The following TMEM240 variants were observed in gnomAD, a reference collection of about 807,000 sequenced individuals.
The protein encoded by TMEM240 is transmembrane protein C1orf70.
Under a neutral mutation model 19.5 loss-of-function variants are expected in TMEM240, and 3 were observed. The ratio of observed to expected loss-of-function variants is 0.15; its 90% CI spans 0.07 to 0.40. The LOEUF (loss-of-function observed/expected upper bound fraction) is 0.40, where lower values mean the gene tolerates loss of function less well. Among genes scored for constraint, TMEM240 ranks in the 10% least tolerant of loss-of-function variants. The probability of loss-of-function intolerance (pLI) is 1.00; values close to 1 mark genes in which losing one functional copy is unlikely to be tolerated. For synonymous variants in TMEM240, 123 were observed against 109.3 expected, an observed-to-expected ratio of 1.13 and a Z score of -0.78; for missense variants, 210 against 253.5, an observed-to-expected ratio of 0.83 and a Z score of 1.17.
chr1:1,536,817 C>G lies in TMEM240; in HGVS notation c.165-1020G>C, dbSNP rs1262081388. Among the ~76,000 whole-genome samples the G allele has an allele frequency of 6.6e-6, 1 of 152,140 alleles. No homozygotes were observed. Among genetic ancestry groups the G allele is most frequent in the East Asian group, 1.9e-4 (1 of 5,180 alleles). The stretch of plus-strand genomic sequence containing the variant: ...ACACTCCTGGCTGCCTCCCACATCT[C>G]CGCCGAGCTCCAGCTGCCTGTGTCT... On this transcript the variant is annotated intron_variant, in intron 2 of 3. Coordinates refer to ENST00000378733, the MANE Select transcript of TMEM240 (RefSeq NM_001114748.2). This position sits in a 1 kb window ranked among gnomAD's most constrained non-coding sequence, Gnocchi z 5.4.
In TMEM240 at chr1:1,536,532, C is replaced by T. The variant is rs375566834; in HGVS notation, c.165-735G>A. 9.8e-5 allele frequency among the ~76,000 whole-genome samples: 15 copies of T among 152,308 alleles called. No individual in the cohort carries two copies. In the South Asian group the frequency reaches 3.1e-3, roughly 32 times the overall value. On this transcript the variant is annotated intron_variant, in intron 2 of 3. Coordinates refer to ENST00000378733, the MANE Select transcript of TMEM240 (RefSeq NM_001114748.2). This position sits in a 1 kb window ranked among gnomAD's most constrained non-coding sequence, Gnocchi z 5.4. Reference sequence around the variant, plus strand: ...CCTTTCGTCCTCAGTGCCTGCGCGCCTCCATGTCCCTCGGCCTCCCCTCCC... The same window carrying T: ...CCTTTCGTCCTCAGTGCCTGCGCGCTTCCATGTCCCTCGGCCTCCCCTCCC...
intron 2 of TMEM240, among the ~76,000 whole-genome samples, chr1:1,537,386 G>A (rs1210398802): frequency 6.6e-6 from 1 of 152,092 alleles, no homozygotes; most frequent in Non-Finnish European, 1.5e-5. Flanking sequence ...TGCCCAGAAT[G>A]TGCAGCTGCC....
rs1642197718 is a variant in TMEM240, at chr1:1,535,402, T to G, written c.479A>C (p.Gln160Pro). Reference sequence around the variant, plus strand: ...GGGGTGGCCATTGTGGTAGAGTTTCTGCTTCACGTGTACCATGTTCCCGGC... The same window carrying G: ...GGGGTGGCCATTGTGGTAGAGTTTCGGCTTCACGTGTACCATGTTCCCGGC... ...EAAGNMVHVKQKLYHNGHPSP... is the reference protein window; with the variant it reads ...EAAGNMVHVKPKLYHNGHPSP... The change falls in exon 4 of 4, where the codon CAG (glutamine) becomes CCG (proline). Residue 160 changes from glutamine (Q) to proline (P), a missense_variant. Gln to Pro is a moderately conservative substitution (Grantham distance 76). Transcript: ENST00000378733. The surrounding 1 kb of genome is among the most constrained non-coding windows in gnomAD (Gnocchi z 8.2). 3.2e-6 allele frequency: 5 copies of G among 1,549,862 alleles called. No individual in the cohort carries two copies. The East Asian group carries it at 1.2e-4, about 38-fold the overall frequency.
At chr1:1,539,598 G>T (rs1642270173) in intron 2 of TMEM240, 86 bp downstream of exon 2, 2 of 1,212,956 alleles carry the variant, frequency 1.6e-6, no homozygotes, top group South Asian at 1.3e-5. Flanking sequence ...CGCGGCCTGC[G>T]TGGGGCTGGT....
At chr1:1,539,844 C>A in intron 1 of TMEM240, 54 bp from the exon 2 acceptor site, 1 of 1,025,732 alleles carries the variant, frequency 9.7e-7, no homozygotes, top group Non-Finnish European at 1.4e-6. Flanking sequence ...CGAAGCGGGG[C>A]TGGGGGTGGG....
Position 1,540,353 on chromosome 1 carries a change from G to T in TMEM240, c.-7C>A. 1 of 1,196,776 alleles carries T rather than the reference G, an allele frequency of 8.4e-7. No homozygotes were observed. The highest frequency in any genetic ancestry group is 1.0e-6 in the Non-Finnish European group (1 of 958,798). 74.1% of individuals were successfully genotyped at this position (1,196,776 alleles called of 1,614,324 possible). ...TGTTCGCGCTCATGGACATCGGGCG[G>T]GGCCGGGCCGGGCCGGAGCGCCGCC... On this transcript the variant is annotated 5_prime_UTR_variant, in exon 1 of 4. Coordinates refer to ENST00000378733, the MANE Select transcript of TMEM240 (RefSeq NM_001114748.2).
At chr1:1,540,145 GGAGGGGA>G in intron 1 of TMEM240, 138 bp downstream of exon 1, 12 of 277,126 alleles carry the variant, frequency 4.3e-5, no homozygotes, top group East Asian at 5.8e-5. Context: ...CGCAGGCCGG[GGAGGGGA>G]GCGCAGGCCG....
In TMEM240 at chr1:1,536,847, G is replaced by A. The variant is rs529017899; in HGVS notation, c.165-1050C>T. Among the ~76,000 whole-genome samples the A allele has an allele frequency of 1.3e-5, 2 of 152,096 alleles. No individual in the cohort carries two copies. The highest frequency in any genetic ancestry group is 2.4e-5 in the African/African-American group (1 of 41,402). ...GAGCTCCAGCTGCCTGTGTCTCCAC[G>A]TGGGATCCGCAGACACCTTAAACTT... On this transcript the variant is annotated intron_variant, in intron 2 of 3. Coordinates refer to ENST00000378733, the MANE Select transcript of TMEM240 (RefSeq NM_001114748.2). This position sits in a 1 kb window ranked among gnomAD's most constrained non-coding sequence, Gnocchi z 5.4.
chr1:1,535,904 GGGTTCTCTGAAGCAGCCTCT>G lies in TMEM240; in HGVS notation c.165-127_165-108del. On this transcript the variant is annotated intron_variant, in intron 2 of 3. Transcript: ENST00000378733. The surrounding 1 kb of genome is among the most constrained non-coding windows in gnomAD (Gnocchi z 8.2). ...GTGTGACCGCGTCAGGCCGCCCTGGGGGTTCTCTGAAGCAGCCTCTTGGGCGGGCGGGTCGGGAAGGGGGC... is the reference window on the plus strand; with the variant it reads ...GTGTGACCGCGTCAGGCCGCCCTGGGTGGGCGGGCGGGTCGGGAAGGGGGC... 1.2e-6 allele frequency: 1 copy of G among 836,686 alleles called. No homozygotes were observed. The highest frequency in any genetic ancestry group is 1.9e-6 in the Non-Finnish European group (1 of 516,934). 51.8% of individuals were successfully genotyped at this position (836,686 alleles called of 1,614,324 possible).
intron 2 of TMEM240, among the ~76,000 whole-genome samples, chr1:1,538,231 G>A (rs1233746084): frequency 6.6e-6 from 1 of 152,224 alleles, no homozygotes; most frequent in Non-Finnish European, 1.5e-5. Context: ...TACATATCCT[G>A]TATGTAGAGA....
rs1642229711 is a variant in TMEM240 at position 1,536,742 on chromosome 1, A to G, written c.165-945T>C. Among the ~76,000 whole-genome samples, 1 of 152,114 alleles carries G rather than the reference A, an allele frequency of 6.6e-6. No individual in the cohort carries two copies. Among genetic ancestry groups the G allele is most frequent in the African/African-American group, 2.4e-5 (1 of 41,440 alleles). On this transcript the variant is annotated intron_variant, in intron 2 of 3. Transcript: ENST00000378733. This position sits in a 1 kb window ranked among gnomAD's most constrained non-coding sequence, Gnocchi z 5.4. ...AGTCAACTCTGGGATCCCTAGTCCA[A>G]CAGGAGGGCCTGGGAGTGGAGCCCG... is the stretch of plus-strand genomic sequence containing the variant.
At chr1:1,539,623 A>T in intron 2 of TMEM240, 61 bp downstream of exon 2, 1 of 1,447,724 alleles carries the variant, frequency 6.9e-7, no homozygotes, top group Non-Finnish European at 9.4e-7. Flanking sequence ...CCGCGCCCCG[A>T]GTGGGCCCCG....
rs1049447793 is a variant in TMEM240, at chr1:1,535,016, C to T, written c.*343G>A. ...CCTTCAAACAGATGCTGGCCCGGGC[C>T]GCGCGCCTCGCCGCCCCTGCCCCCA... On this transcript the variant is annotated 3_prime_UTR_variant, in exon 4 of 4. Transcript: ENST00000378733. The surrounding 1 kb of genome is among the most constrained non-coding windows in gnomAD (Gnocchi z 8.2). 4.0e-5 allele frequency among the ~76,000 whole-genome samples: 6 copies of T among 149,766 alleles called. No individual in the cohort carries two copies. The highest frequency in any genetic ancestry group is 4.0e-4 in the East Asian group (2 of 5,010).
intron 1 of TMEM240, 70 bp downstream of exon 1, chr1:1,540,220 G>T: frequency 1.8e-6 from 2 of 1,112,994 alleles, no homozygotes; most frequent in South Asian, 3.0e-5. Context: ...TAAACAAGGC[G>T]CGGGAGGTGG....
At position 1,538,678 on chromosome 1, in the gene TMEM240, C is replaced by T. The variant is rs950012788; in HGVS notation, c.164+1006G>A. Among the ~76,000 whole-genome samples the T allele has an allele frequency of 4.6e-5, 7 of 152,360 alleles. No homozygotes were observed. The East Asian group carries it at 1.2e-3, about 25-fold the overall frequency. ...GCACACGTGAGGGTCACAGACACCC[C>T]GATCTCTGCCTTCTCTAACACCCGT... On this transcript the variant is annotated intron_variant, in intron 2 of 3. Coordinates refer to ENST00000378733, the MANE Select transcript of TMEM240 (RefSeq NM_001114748.2).
At position 1,540,518 on chromosome 1, in the gene TMEM240, G is replaced by T. The variant is rs1057339857; in HGVS notation, c.-172C>A. 5.4e-5 allele frequency: 9 copies of T among 167,360 alleles called. No homozygotes were observed. The highest frequency in any genetic ancestry group is 7.5e-5 in the African/African-American group (3 of 40,238). 10.4% of individuals were successfully genotyped at this position (167,360 alleles called of 1,614,324 possible). ...CGGGGGGAGGAGGCGCGGGGGGGGGGGCGCCGGGGAGGGACGCGGGGCCTT... is the reference window on the plus strand; with the variant it reads ...CGGGGGGAGGAGGCGCGGGGGGGGGTGCGCCGGGGAGGGACGCGGGGCCTT... On this transcript the variant is annotated 5_prime_UTR_variant, in exon 1 of 4. Coordinates refer to ENST00000378733, the MANE Select transcript of TMEM240 (RefSeq NM_001114748.2).
In TMEM240 at chr1:1,535,193, AAGAAG is replaced by A. The variant is rs1642192895; in HGVS notation, c.*161_*165del. The A allele has an allele frequency of 1.4e-6, 1 of 737,494 alleles. No individual in the cohort carries two copies. Among genetic ancestry groups the A allele is most frequent in the African/African-American group, 1.9e-5 (1 of 52,972 alleles). 45.7% of individuals were successfully genotyped at this position (737,494 alleles called of 1,614,324 possible). On this transcript the variant is annotated 3_prime_UTR_variant, in exon 4 of 4. Transcript: ENST00000378733. The surrounding 1 kb of genome is among the most constrained non-coding windows in gnomAD (Gnocchi z 8.2). ...CCCACACCCCAACCCCCTTTATAAA[AAGAAG>A]AGACAGCACCTTCCACTGGACTCTC...
At position 1,535,466 on chromosome 1, in the gene TMEM240, C is replaced by T; in HGVS notation, c.415G>A (p.Glu139Lys). Residue 139 changes from glutamate (E) to lysine (K), a missense_variant, in exon 4 of 4, where the codon GAG becomes AAG. Physicochemically the swap from Glu to Lys is moderately conservative, Grantham distance 56. Transcript: ENST00000378733. This position sits in a 1 kb window ranked among gnomAD's most constrained non-coding sequence, Gnocchi z 8.2. ...TWLPKLCSLR[E>K]LGRRPHRPFE... ...GGCCTGTGCGGCCGCCGGCCCAGCTCCCGCAGGCTGCACAGCTTGGGCAGC... is the reference window on the plus strand; with the variant it reads ...GGCCTGTGCGGCCGCCGGCCCAGCTTCCGCAGGCTGCACAGCTTGGGCAGC... 1 of 1,549,004 alleles carries T rather than the reference C, an allele frequency of 6.5e-7. No homozygotes were observed. The highest frequency in any genetic ancestry group is 8.7e-7 in the Non-Finnish European group (1 of 1,146,260).
Position 1,535,936 on chromosome 1 carries a change from G to GT in TMEM240, c.165-140dup. 2.0e-6 allele frequency: 1 copy of GT among 493,136 alleles called. No homozygotes were observed. Among genetic ancestry groups the GT allele is most frequent in the East Asian group, 4.3e-5 (1 of 23,318 alleles). The allele number at this position is 493,136 out of a possible 1,614,324, so 30.5% of individuals were successfully genotyped here. ...CTGAAGCAGCCTCTTGGGCGGGCGG[G>GT]TCGGGAAGGGGGCACCAGACTCAAC... On this transcript the variant is annotated intron_variant, in intron 2 of 3. Transcript: ENST00000378733. The surrounding 1 kb of genome is among the most constrained non-coding windows in gnomAD (Gnocchi z 8.2).
Sources: allele counts gnomAD v4.1 joint callset (sites outside exome capture counted in the v4.1 genomes callset), GRCh38; gene constraint gnomAD v4.1.1; non-coding constraint Gnocchi (gnomAD v3.1); transcripts MANE v1.5; gene names NCBI Gene and HGNC (gene_info 2026-07-23, HGNC 2026-07-21).